TMEM184B: variants seen among roughly 807,000 people sequenced by gnomAD.
The protein encoded by TMEM184B is transmembrane protein 184B, also known as putative MAPK-activating protein FM08.
TMEM184B carries 17 observed loss-of-function variants against 41.8 expected under a neutral mutation model. That is an observed-to-expected ratio of 0.41 (90% CI 0.28 to 0.61). The LOEUF is 0.61. TMEM184B is among the 20% of genes least tolerant of loss of function. The pLI, the probability that TMEM184B is intolerant of heterozygous loss-of-function variation, is 0.34. For synonymous variants in TMEM184B, 240 were observed against 229.5 expected (o/e 1.05, Z -0.41); for missense variants, 393 against 557.8 (o/e 0.70, Z 2.98).
At chr22:38,242,659 G>T (rs189682282) in intron 3 of TMEM184B, among the ~76,000 whole-genome samples, 2 of 152,306 alleles carry the variant, frequency 1.3e-5, no homozygotes, top group Middle Eastern at 3.4e-3. Context: ...GATCGGGGGG[G>T]ACTGCCCCAT....
At chr22:38,222,768 C>T in intron 8 of TMEM184B, 1 of 931,282 alleles carries the variant, frequency 1.1e-6, no homozygotes, top group Non-Finnish European at 1.3e-6. Context: ...GTGTGCCCAC[C>T]ACCGAGGCCC....
intron 1 of TMEM184B, among the ~76,000 whole-genome samples, chr22:38,269,418 G>A (rs963997693): frequency 1.3e-5 from 2 of 152,152 alleles, no homozygotes; most frequent in Non-Finnish European, 2.9e-5. Context: ...GTTTCACTGT[G>A]TTGGCCAGGC....
intron 1 of TMEM184B, among the ~76,000 whole-genome samples, chr22:38,272,066 G>C (rs973647703): frequency 6.6e-6 from 1 of 152,184 alleles, no homozygotes; most frequent in Admixed American, 6.5e-5. Context: ...ACAGGTATCA[G>C]GCATGCAAAT....
intron 1 of TMEM184B, among the ~76,000 whole-genome samples, chr22:38,251,633 A>G (rs5995558): frequency 0.58 from 87,927 of 151,966 alleles, 27,364 homozygotes; most frequent in African/African-American, 0.82. Context: ...TGGGCACTGG[A>G]TTCTGACCCT....
chr22:38,251,876 G>T (rs899080243), intron 1 of TMEM184B, among the ~76,000 whole-genome samples: 4 of 151,438 alleles, frequency 2.6e-5, no homozygotes, highest in African/African-American at 7.3e-5. Flanking sequence ...GCTCTGGCAG[G>T]ACCAGATCCA....
chr22:38,227,780 G>C (rs540444406), intron 5 of TMEM184B, among the ~76,000 whole-genome samples: 1 of 152,256 alleles, frequency 6.6e-6, no homozygotes, highest in East Asian at 1.9e-4. Flanking sequence ...GCATCTTCTC[G>C]GGAGTCTCCC....
At chr22:38,248,390 C>T (rs1396256690) in intron 1 of TMEM184B, among the ~76,000 whole-genome samples, 3 of 152,250 alleles carry the variant, frequency 2.0e-5, no homozygotes, top group Non-Finnish European at 4.4e-5. Context: ...ACAGTTCCCA[C>T]TTCCATCCTC....
chr22:38,249,064 G>A (rs2092104926), intron 1 of TMEM184B, among the ~76,000 whole-genome samples: 1 of 152,102 alleles, frequency 6.6e-6, no homozygotes, highest in African/African-American at 2.4e-5. Flanking sequence ...CCTCGAACAC[G>A]CGGGTCTGTC....
intron 1 of TMEM184B, among the ~76,000 whole-genome samples, chr22:38,254,018 T>C (rs923607351): frequency 4.6e-5 from 7 of 151,996 alleles, no homozygotes; most frequent in Admixed American, 2.6e-4. Context: ...CTGGCCAACA[T>C]GGTGAAACCC....
At chr22:38,227,172 T>C (rs894297124) in intron 5 of TMEM184B, among the ~76,000 whole-genome samples, 5 of 151,478 alleles carry the variant, frequency 3.3e-5, no homozygotes, top group East Asian at 1.9e-4. Context: ...GTATGTGATA[T>C]GAGCATGTGG....
Position 38,245,789 on chromosome 22 carries a change from T to C in TMEM184B, c.358+146A>G, listed in dbSNP as rs1300703195. ...AGCTGCATGTGCTGTTACCTGTCAATTTGGGACAGAAACCCTGTAGTAGGT... is the reference window on the plus strand; with the variant it reads ...AGCTGCATGTGCTGTTACCTGTCAACTTGGGACAGAAACCCTGTAGTAGGT... On this transcript the variant is annotated intron_variant, in intron 3 of 8. Transcript: ENST00000361906. 9.5e-6 allele frequency: 8 copies of C among 844,698 alleles called. No homozygotes were observed. In the East Asian group the frequency reaches 2.2e-4, roughly 23 times the overall value. The allele number at this position is 844,698 out of a possible 1,614,324, so 52.3% of individuals were successfully genotyped here. A position where few individuals can be genotyped will look rare whatever the true frequency, so the allele number is the denominator to read the frequency against.
At chr22:38,245,909 C>CCCCCCCCCA in intron 3 of TMEM184B, 26 bp downstream of exon 3, 2 of 1,557,698 alleles carry the variant, frequency 1.3e-6, no homozygotes, top group Non-Finnish European at 1.8e-6. Flanking sequence ...CCCCGCCAGC[C>CCCCCCCCCA]CTCCCCACTC....
At chr22:38,251,896 GTT>G (rs561046707) in intron 1 of TMEM184B, among the ~76,000 whole-genome samples, 5 of 141,644 alleles carry the variant, frequency 3.5e-5, no homozygotes, top group Non-Finnish European at 6.2e-5. Flanking sequence ...AGATGATGCT[GTT>G]TTTTTTTTTT....
At chr22:38,234,970 T>C (rs890277052) in intron 3 of TMEM184B, among the ~76,000 whole-genome samples, 2 of 152,202 alleles carry the variant, frequency 1.3e-5, no homozygotes, top group Admixed American at 6.5e-5. Flanking sequence ...TTAGATGAGC[T>C]GAGGGCACAG....
intron 1 of TMEM184B, among the ~76,000 whole-genome samples, chr22:38,269,789 G>A (rs778232985): frequency 2.6e-5 from 4 of 152,144 alleles, no homozygotes; most frequent in Non-Finnish European, 4.4e-5. Flanking sequence ...GTGGGCTCCA[G>A]AACCTGCCCT....
chr22:38,237,275 C>T (rs552016694), intron 3 of TMEM184B, among the ~76,000 whole-genome samples: 5 of 152,206 alleles, frequency 3.3e-5, no homozygotes, highest in African/African-American at 9.6e-5. Context: ...CAAGAGCCCC[C>T]GGGCTTTGAG....
chr22:38,245,933 AC>A lies in TMEM184B; in HGVS notation c.358+1del. On this transcript the variant is annotated splice_donor_variant, in intron 3 of 8. Transcript: ENST00000361906. LOFTEE classifies it high-confidence loss of function. ...CCCTCCCCACTCCGTCCCCATCCTC[AC>A]CCTCATAGCAGTCGCGGACGGTGCC... 6.7e-7 allele frequency: 1 copy of A among 1,497,198 alleles called. No homozygotes were observed. 92.7% of individuals were successfully genotyped at this position (1,497,198 alleles called of 1,614,324 possible). A position where few individuals can be genotyped will look rare whatever the true frequency, so the allele number is the denominator to read the frequency against.
chr22:38,226,796 G>A lies in TMEM184B; in HGVS notation c.600C>T (p.Tyr200=). Residue 200 remains tyrosine (Y), a synonymous_variant, in exon 6 of 9, where the codon TAC becomes TAT. Coordinates refer to ENST00000361906, the MANE Select transcript of TMEM184B (RefSeq NM_012264.5). This position sits in a 1 kb window ranked among gnomAD's most constrained non-coding sequence, Gnocchi z 4.6. ...STVVLQAFGK[Y]RDGDFDVTSG... The stretch of plus-strand genomic sequence containing the variant: ...CTGCTTACTCAAAGTCCCCATCCCG[G>A]TACTTGCCGAAGGCCTGGAGGACCA... The A allele has an allele frequency of 6.2e-7, 1 of 1,603,606 alleles. No homozygotes were observed. The highest frequency in any genetic ancestry group is 8.5e-7 in the Non-Finnish European group (1 of 1,175,240).
intron 1 of TMEM184B, among the ~76,000 whole-genome samples, chr22:38,255,258 T>G (rs2092256828): frequency 6.6e-6 from 1 of 152,180 alleles, no homozygotes; most frequent in South Asian, 2.1e-4. Flanking sequence ...ACTCCTGACC[T>G]TGTGATCCGC....
Sources: gnomAD v4.1 joint callset for allele counts (sites outside exome capture counted in the v4.1 genomes callset) on GRCh38, gnomAD v4.1.1 for gene constraint, Gnocchi (gnomAD v3.1) non-coding constraint, MANE v1.5 for transcripts, NCBI Gene and HGNC (gene_info 2026-07-23, HGNC 2026-07-21) for gene names.